The following RTN4 variants were observed in gnomAD, a reference collection of about 807,000 sequenced individuals.
RTN4 encodes reticulon-4.
Under a neutral mutation model 90.4 loss-of-function variants are expected in RTN4, and 32 were observed. The observed-to-expected ratio is 0.35, with a 90% CI of 0.27 to 0.48. RTN4 has a LOEUF of 0.48. RTN4 is among the 20% of genes least tolerant of loss of function. The pLI is 0.99. For missense variants in RTN4, 1,706 were observed against 1,430.2 expected (o/e 1.19, Z -3.11); for synonymous variants, 629 against 552.5 (o/e 1.14, Z -1.94).
intron 3 of RTN4, among the ~76,000 whole-genome samples, chr2:54,991,426 T>G (rs1284384305): frequency 1.3e-5 from 2 of 152,212 alleles, no homozygotes; most frequent in African/African-American, 4.8e-5. Flanking sequence ...GAAGGAAATA[T>G]CAGGACTGGG....
chr2:55,024,131 T>C (rs1251180389), intron 3 of RTN4, among the ~76,000 whole-genome samples: 1 of 152,164 alleles, frequency 6.6e-6, no homozygotes, highest in Non-Finnish European at 1.5e-5. Context: ...ATGTTCCCTA[T>C]CTCAGTTTCT....
At chr2:55,134,730 GC>G in the RTN4 span, among the ~76,000 whole-genome samples, 129,667 of 152,112 alleles carry the variant, frequency 0.85, 55,381 homozygotes, top group African/African-American at 0.89. Flanking sequence ...CTGACCTGCA[GC>G]CCCCTGAGTG....
At chr2:55,125,360 T>C in the RTN4 span, among the ~76,000 whole-genome samples, 2 of 152,222 alleles carry the variant, frequency 1.3e-5, no homozygotes, top group African/African-American at 2.4e-5. Flanking sequence ...TTGCAAACTA[T>C]GCATCTGACG....
intron 1 of RTN4, among the ~76,000 whole-genome samples, chr2:55,035,860 CA>C (rs1411393237): frequency 1.3e-5 from 2 of 152,084 alleles, no homozygotes; most frequent in African/African-American, 4.8e-5. Context: ...GTCTACTTAT[CA>C]AAATGAAAGA....
At chr2:55,113,204 C>T (rs961695277), upstream of RTN4, among the ~76,000 whole-genome samples, 4 of 152,162 alleles carry the variant, frequency 2.6e-5, no homozygotes, top group Non-Finnish European at 4.4e-5. Context: ...CTTTCTTCTG[C>T]GAGGAGGGTA....
chr2:55,026,821 T>G lies in RTN4; in HGVS notation c.1278A>C (p.Ala426=). The change falls in exon 3 of 9, where the codon GCA becomes GCC. Residue 426 remains alanine (A), a synonymous_variant. Transcript: ENST00000337526. The part of the protein sequence containing the change: ...LESKVDKKCF[A]DSLEQTNHEK... ...CGTGATTAGTTTGCTCAAGGCTATC[T>G]GCAAAACATTTTTTATCCACTTTAC... 6.2e-7 allele frequency: 1 copy of G among 1,613,998 alleles called. No homozygotes were observed. The highest frequency in any genetic ancestry group is 8.5e-7 in the Non-Finnish European group (1 of 1,179,910).
intron 1 of RTN4, among the ~76,000 whole-genome samples, chr2:55,111,752 G>A (rs968539018): frequency 5.9e-5 from 9 of 152,168 alleles, no homozygotes; most frequent in African/African-American, 9.7e-5. Flanking sequence ...TTGAAAAAAC[G>A]TTAATGTCCA....
chr2:55,113,658 T>A (rs1367214174), upstream of RTN4, among the ~76,000 whole-genome samples: 1 of 152,172 alleles, frequency 6.6e-6, no homozygotes, highest in Non-Finnish European at 1.5e-5. Context: ...ATTGGCTCTA[T>A]CAGCCTGGTT....
At chr2:55,078,016 G>A (rs1197502496) in intron 2 of RTN4, among the ~76,000 whole-genome samples, 4 of 151,932 alleles carry the variant, frequency 2.6e-5, no homozygotes, top group African/African-American at 7.3e-5. Flanking sequence ...GGGGACTCAG[G>A]GGATTCAGGG....
intron 2 of RTN4, among the ~76,000 whole-genome samples, chr2:55,063,467 G>C (rs746349862): frequency 6.6e-6 from 1 of 152,090 alleles, no homozygotes; most frequent in Admixed American, 6.5e-5. Context: ...ACCAGATGGT[G>C]GGGGAGAGGC....
the RTN4 span, among the ~76,000 whole-genome samples, chr2:55,134,809 G>A: frequency 8.4e-4 from 128 of 152,226 alleles, no homozygotes; most frequent in African/African-American, 2.8e-3. Context: ...AAGTAAATGC[G>A]AGGAGTTACT....
In RTN4 at chr2:55,049,869, G is replaced by A. The variant is rs1278036349; in HGVS notation, c.432C>T (p.Pro144=). 2.3e-6 allele frequency: 3 copies of A among 1,318,486 alleles called. No individual in the cohort carries two copies. Among genetic ancestry groups the A allele is most frequent in the Admixed American group, 4.2e-5 (1 of 23,996 alleles). The allele number at this position is 1,318,486 out of a possible 1,614,324, so 81.7% of individuals were successfully genotyped here. ...PEDDEPPARP[P]PPPPASVSPQ... The stretch of plus-strand genomic sequence containing the variant: ...GGCTCACGCTGGCCGGGGGAGGAGG[G>A]GGAGGCCGGGCCGGAGGCTCGTCGT... Residue 144 remains proline, a synonymous_variant, in exon 1 of 9, where the codon CCC becomes CCT. Transcript: ENST00000337526.
chr2:55,025,385 T>G lies in RTN4; in HGVS notation c.2714A>C (p.Asp905Ala). ...TGTGCAAGGCAATGACCCAGCTCCA[T>G]CCGGGGCATTAGCAATTTCACTTTT... ...SHKSEIANAPDGAGSLPCTEL... is the reference protein window; with the variant it reads ...SHKSEIANAPAGAGSLPCTEL... The change falls in exon 3 of 9, where the codon GAT becomes GCT. Residue 905 changes from aspartate (D) to alanine (A), a missense_variant. Transcript: ENST00000337526. The G allele has an allele frequency of 6.2e-7, 1 of 1,613,950 alleles. No homozygotes were observed. Among genetic ancestry groups the G allele is most frequent in the Non-Finnish European group, 8.5e-7 (1 of 1,179,884 alleles).
chr2:55,137,653 C>T, the RTN4 span, among the ~76,000 whole-genome samples: 6 of 152,098 alleles, frequency 3.9e-5, no homozygotes, highest in Non-Finnish European at 5.9e-5. Context: ...AGACCAACCA[C>T]CCCACTGCTG....
intron 1 of RTN4, among the ~76,000 whole-genome samples, chr2:55,097,824 A>C (rs4672016): frequency 0.56 from 84,840 of 151,836 alleles, 24,144 homozygotes; most frequent in African/African-American, 0.57. Flanking sequence ...GCTGGAGATA[A>C]GGATTTCTGA....
upstream of RTN4, among the ~76,000 whole-genome samples, chr2:55,055,223 AATTTTGATCTACTAGT>A (rs1668167570): frequency 6.6e-6 from 1 of 151,804 alleles, no homozygotes; most frequent in Non-Finnish European, 1.5e-5. Flanking sequence ...CGAGAAAGTT[AATTTTGATCTACTAGT>A]ACAAAACCAA....
upstream of RTN4, chr2:55,112,685 G>A (rs984489164): frequency 2.0e-5 from 3 of 152,338 alleles, no homozygotes; most frequent in Non-Finnish European, 4.4e-5. Context: ...CCCGCCTTGC[G>A]GCTCGAGCAT....
At chr2:55,129,596 G>A in the RTN4 span, among the ~76,000 whole-genome samples, 1 of 151,950 alleles carries the variant, frequency 6.6e-6, no homozygotes, top group East Asian at 1.9e-4. Context: ...TTGAGATGGA[G>A]TCTCGCTCAG....
At chr2:54,992,033 A>G (rs1455740924) in intron 3 of RTN4, among the ~76,000 whole-genome samples, 1 of 152,140 alleles carries the variant, frequency 6.6e-6, no homozygotes, top group African/African-American at 2.4e-5. Flanking sequence ...ATCTCTTTCA[A>G]TTATTAAAAC....
Sources: allele counts gnomAD v4.1 joint callset (sites outside exome capture counted in the v4.1 genomes callset), GRCh38; gene constraint gnomAD v4.1.1; transcripts MANE v1.5; gene names NCBI Gene and HGNC (gene_info 2026-07-23, HGNC 2026-07-21).